The following RAB10 variants were observed in gnomAD, a reference collection of about 807,000 sequenced individuals.
RAB10 encodes ras-related protein Rab-10.
In RAB10, 5 loss-of-function variants were observed where a neutral mutation model predicts 25.7. The observed-to-expected ratio is 0.19, with a 90% CI of 0.10 to 0.41. The LOEUF is 0.41. RAB10 is among the 10% of genes least tolerant of loss of function. The pLI is 1.00. For synonymous variants in RAB10, 89 were observed against 86.4 expected (o/e 1.03, Z -0.16); for missense variants, 103 against 245.8 (o/e 0.42, Z 3.89).
intron 1 of RAB10, among the ~76,000 whole-genome samples, chr2:26,042,463 C>G (rs1044135157): frequency 6.6e-6 from 1 of 151,920 alleles, no homozygotes; most frequent in African/African-American, 2.4e-5. Context: ...TAGCGAGACC[C>G]CATCTCTACA....
intron 1 of RAB10, among the ~76,000 whole-genome samples, chr2:26,052,114 A>C (rs1409228531): frequency 6.6e-6 from 1 of 151,482 alleles, no homozygotes; most frequent in Non-Finnish European, 1.5e-5. Context: ...GTGGTGACTT[A>C]TGCCTGTAAT....
chr2:26,097,899 C>T (rs1290748526), intron 1 of RAB10, among the ~76,000 whole-genome samples: 1 of 152,080 alleles, frequency 6.6e-6, no homozygotes, highest in Non-Finnish European at 1.5e-5. Context: ...TTTATCCCTT[C>T]CTGAAGAATA....
At chr2:26,052,088 A>T (rs553177947) in intron 1 of RAB10, among the ~76,000 whole-genome samples, 5 of 150,016 alleles carry the variant, frequency 3.3e-5, no homozygotes, top group Non-Finnish European at 7.4e-5. Flanking sequence ...CATTAAAAAG[A>T]TGTTTGCAGC....
intron 1 of RAB10, among the ~76,000 whole-genome samples, chr2:26,054,005 TTTTC>T (rs1348683101): frequency 4.7e-5 from 7 of 150,534 alleles, no homozygotes; most frequent in East Asian, 3.9e-4. Context: ...CCCGGCTTCT[TTTTC>T]TTTCTTTTTT....
At chr2:26,097,805 T>G (rs2149279815) in intron 1 of RAB10, among the ~76,000 whole-genome samples, 1 of 152,322 alleles carries the variant, frequency 6.6e-6, no homozygotes, top group South Asian at 2.1e-4. Context: ...GGAAAGGATG[T>G]TGAAGTCTCC....
chr2:26,096,386 G>A lies in RAB10; in HGVS notation c.128-2276G>A, dbSNP rs539955121. On this transcript the variant is annotated intron_variant, in intron 1 of 5. Transcript: ENST00000264710. ...GTATTTTTGTAGTGTGCTTGCCATA[G>A]TGGGTGGGTGGGCGGATGGATGGCT... 1.2e-4 allele frequency among the ~76,000 whole-genome samples: 18 copies of A among 148,948 alleles called. No homozygotes were observed. In the South Asian group the frequency reaches 3.9e-3, roughly 32 times the overall value.
At chr2:26,058,737 T>G (rs1006224033) in intron 1 of RAB10, among the ~76,000 whole-genome samples, 1 of 152,226 alleles carries the variant, frequency 6.6e-6, no homozygotes, top group Non-Finnish European at 1.5e-5. Flanking sequence ...GTACTTAACT[T>G]GTGTGGCATA....
intron 2 of RAB10, among the ~76,000 whole-genome samples, chr2:26,105,633 C>T (rs1667451656): frequency 6.6e-6 from 1 of 151,912 alleles, no homozygotes; most frequent in Non-Finnish European, 1.5e-5. Flanking sequence ...CTGTGAGACT[C>T]CGTCTCAGGA....
intron 1 of RAB10, among the ~76,000 whole-genome samples, chr2:26,044,550 T>G (rs1220523361): frequency 6.6e-6 from 1 of 151,682 alleles, no homozygotes; most frequent in African/African-American, 2.4e-5. Context: ...CTAATTAGTT[T>G]TTTTTTTTTT....
intron 3 of RAB10, among the ~76,000 whole-genome samples, chr2:26,110,452 A>T (rs112219341): frequency 0.012 from 1,881 of 152,246 alleles, 18 homozygotes; most frequent in South Asian, 0.047. Context: ...AAAACTCTGT[A>T]TAGCCATCTT....
chr2:26,042,457 G>A (rs914239231), intron 1 of RAB10, among the ~76,000 whole-genome samples: 5 of 151,984 alleles, frequency 3.3e-5, no homozygotes, highest in African/African-American at 9.7e-5. Flanking sequence ...GCAACTTAGC[G>A]AGACCCCATC....
intron 3 of RAB10, among the ~76,000 whole-genome samples, chr2:26,116,739 G>A (rs1245068978): frequency 1.3e-5 from 2 of 151,834 alleles, no homozygotes; most frequent in East Asian, 3.9e-4. Flanking sequence ...TGTATTTTCA[G>A]TAGAGATGGG....
intron 4 of RAB10, 41 bp from the exon 5 acceptor site, chr2:26,127,809 A>G (rs1574564445): frequency 2.1e-6 from 3 of 1,462,470 alleles, no homozygotes; most frequent in African/African-American, 2.8e-5. Context: ...TTGGCAACCC[A>G]TGCTTGATAA....
At chr2:26,048,924 C>T (rs1666074499) in intron 1 of RAB10, among the ~76,000 whole-genome samples, 1 of 152,120 alleles carries the variant, frequency 6.6e-6, no homozygotes, top group African/African-American at 2.4e-5. Context: ...TATTTTCTTC[C>T]AGTCTGTAGC....
chr2:26,081,679 A>G (rs1422688634), intron 1 of RAB10, among the ~76,000 whole-genome samples: 2 of 152,218 alleles, frequency 1.3e-5, no homozygotes, highest in East Asian at 3.8e-4. Context: ...ATAAAGAGGT[A>G]TTTGTGAACT....
chr2:26,043,628 C>T (rs1665937188), intron 1 of RAB10, among the ~76,000 whole-genome samples: 1 of 152,062 alleles, frequency 6.6e-6, no homozygotes, highest in Non-Finnish European at 1.5e-5. Flanking sequence ...CATGGATACG[C>T]CTTGAAAATA....
intron 1 of RAB10, among the ~76,000 whole-genome samples, chr2:26,061,117 T>G (rs35878619): frequency 2.2e-5 from 2 of 89,898 alleles, no homozygotes; most frequent in Admixed American, 1.2e-4. Flanking sequence ...TTTTTTTTTT[T>G]GTTCGTTTGT....
chr2:26,064,984 G>C (rs980637763), intron 1 of RAB10, among the ~76,000 whole-genome samples: 1 of 152,232 alleles, frequency 6.6e-6, no homozygotes, highest in Non-Finnish European at 1.5e-5. Flanking sequence ...CTTCAGCCCA[G>C]GAGTTAGAGG....
chr2:26,079,853 A>G (rs1277536051), intron 1 of RAB10, among the ~76,000 whole-genome samples: 1 of 152,018 alleles, frequency 6.6e-6, no homozygotes, highest in East Asian at 1.9e-4. Flanking sequence ...TTTTGTAGAG[A>G]CGAGGTCTCA....
Sources: allele counts gnomAD v4.1 joint callset (sites outside exome capture counted in the v4.1 genomes callset), GRCh38; gene constraint gnomAD v4.1.1; transcripts MANE v1.5; gene names NCBI Gene and HGNC (gene_info 2026-07-23, HGNC 2026-07-21).